Variants in AHCYL2 observed in about 807,000 individuals in gnomAD.
The protein encoded by AHCYL2 is S-adenosylhomocysteine hydrolase-like protein 2.
In AHCYL2, 28 loss-of-function variants were observed where a neutral mutation model predicts 81.4. That is an observed-to-expected ratio of 0.34 (90% CI 0.25 to 0.47). The LOEUF (loss-of-function observed/expected upper bound fraction) is 0.47. Ranked by LOEUF, AHCYL2 falls within the 20% of genes least tolerant of loss-of-function variation. The pLI is 1.00. For synonymous variants in AHCYL2, 272 were observed against 290.2 expected (o/e 0.94, Z 0.64); for missense variants, 551 against 785.1 (o/e 0.70, Z 3.56).
At chr7:129,343,168 G>T (rs1300521250) in intron 1 of AHCYL2, among the ~76,000 whole-genome samples, 1 of 152,054 alleles carries the variant, frequency 6.6e-6, no homozygotes, top group East Asian at 1.9e-4. Flanking sequence ...TGAGGAGAAG[G>T]CATGGAAATA....
rs578199598 is a variant in AHCYL2 at position 129,367,549 on chromosome 7, A to G, written c.364-12089A>G. Among the ~76,000 whole-genome samples, 10 of 152,334 alleles carry G rather than the reference A, an allele frequency of 6.6e-5. 1 individual carries two copies. The East Asian group carries it at 1.5e-3, about 24-fold the overall frequency. ...TAGTGTACAGGGCTACTGCACTGGC[A>G]TCCTGTTTCTTCCTGAAACCAGATC... On this transcript the variant is annotated intron_variant, in intron 1 of 16. Coordinates refer to ENST00000325006, the MANE Select transcript of AHCYL2 (RefSeq NM_015328.4).
intron 1 of AHCYL2, among the ~76,000 whole-genome samples, chr7:129,278,509 AT>A (rs1263741033): frequency 6.6e-6 from 1 of 151,772 alleles, no homozygotes. Flanking sequence ...TCTGTGGCTT[AT>A]TTTTTTTATT....
At chr7:129,259,852 A>T (rs2150714146) in intron 1 of AHCYL2, among the ~76,000 whole-genome samples, 1 of 152,272 alleles carries the variant, frequency 6.6e-6, no homozygotes, top group Middle Eastern at 3.4e-3. Context: ...TGAAGCAGGC[A>T]GATCATCTGA....
At chr7:129,404,676 A>G (rs1796215880) in intron 7 of AHCYL2, among the ~76,000 whole-genome samples, 1 of 152,182 alleles carries the variant, frequency 6.6e-6, no homozygotes, top group African/African-American at 2.4e-5. Context: ...ACTCCATCTC[A>G]AAACAAACAA....
intron 1 of AHCYL2, among the ~76,000 whole-genome samples, chr7:129,260,515 C>G (rs919394293): frequency 3.3e-5 from 5 of 152,126 alleles, no homozygotes; most frequent in Admixed American, 1.3e-4. Context: ...TGTAGTCGGC[C>G]AGGCCATTAC....
rs367797409 is a variant in AHCYL2 at position 129,225,055 on chromosome 7, G to C, written c.-22G>C. On this transcript the variant is annotated 5_prime_UTR_variant, in exon 1 of 17. Transcript: ENST00000325006. ...AAGAGCAGGAGCTGGAGTCTGAGCC[G>C]GTGGTTGCAGCGGAGGCGGTGATGT... The C allele has an allele frequency of 6.3e-7, 1 of 1,574,984 alleles. No homozygotes were observed. The highest frequency in any genetic ancestry group is 8.6e-7 in the Non-Finnish European group (1 of 1,162,206).
At chr7:129,258,278 A>G (rs991031361) in intron 1 of AHCYL2, among the ~76,000 whole-genome samples, 12 of 145,840 alleles carry the variant, frequency 8.2e-5, no homozygotes, top group African/African-American at 3.0e-4. Context: ...AGAATCCCCC[A>G]TCCTTCACTT....
intron 1 of AHCYL2, among the ~76,000 whole-genome samples, chr7:129,316,572 T>C (rs1797830400): frequency 6.6e-6 from 1 of 152,212 alleles, no homozygotes; most frequent in Non-Finnish European, 1.5e-5. Flanking sequence ...TATTTTGGTC[T>C]TGTGAATAAA....
intron 1 of AHCYL2, among the ~76,000 whole-genome samples, chr7:129,242,105 T>G (rs935992006): frequency 6.6e-6 from 1 of 152,200 alleles, no homozygotes; most frequent in Non-Finnish European, 1.5e-5. Context: ...TCTGCAGCCC[T>G]CTTTTTTACT....
At chr7:129,425,206 T>C in intron 15 of AHCYL2, 65 bp downstream of exon 15, 1 of 1,447,628 alleles carries the variant, frequency 6.9e-7, no homozygotes, top group South Asian at 1.2e-5. Context: ...TTAAAGGAAG[T>C]TTGGGGGCAT....
intron 11 of AHCYL2, chr7:129,409,981 T>C: frequency 1.6e-6 from 1 of 621,510 alleles, no homozygotes; most frequent in Admixed American, 3.1e-5. Context: ...ATCAGTAATC[T>C]CATGCAGAAG....
chr7:129,283,258 C>T (rs1796513205), intron 1 of AHCYL2: 2 of 420,824 alleles, frequency 4.8e-6, no homozygotes, highest in South Asian at 3.5e-5. Context: ...CATTAAACTG[C>T]ACCTTGGAAA....
rs369337272 is a variant in AHCYL2 at position 129,342,474 on chromosome 7, A to G, written c.364-37164A>G. 3.3e-5 allele frequency among the ~76,000 whole-genome samples: 5 copies of G among 152,212 alleles called. No individual in the cohort carries two copies. The East Asian group carries it at 7.7e-4, about 23-fold the overall frequency. On this transcript the variant is annotated intron_variant, in intron 1 of 16. Coordinates refer to ENST00000325006, the MANE Select transcript of AHCYL2 (RefSeq NM_015328.4). ...ATAAAGAAGCAAAAGGTAGGTGAAT[A>G]TACCAAGAACTTCCAATTAAAAGAT...
intron 1 of AHCYL2, among the ~76,000 whole-genome samples, chr7:129,376,911 G>A (rs1794714346): frequency 6.6e-6 from 1 of 152,236 alleles, no homozygotes; most frequent in African/African-American, 2.4e-5. Context: ...CATCCTGACT[G>A]CTGTCCACCT....
chr7:129,344,574 G>T (rs193217374), intron 1 of AHCYL2, among the ~76,000 whole-genome samples: 7 of 152,048 alleles, frequency 4.6e-5, no homozygotes, highest in Non-Finnish European at 4.4e-5. Flanking sequence ...TGGTTGCCTC[G>T]GGTTGTGATA....
chr7:129,299,518 C>G (rs1181346969), intron 1 of AHCYL2, among the ~76,000 whole-genome samples: 1 of 151,126 alleles, frequency 6.6e-6, no homozygotes. Context: ...CTCAGCCTCC[C>G]GAGTAGGTGG....
At chr7:129,242,072 T>TTACATAATACATAA (rs1794878890) in intron 1 of AHCYL2, among the ~76,000 whole-genome samples, 1 of 152,200 alleles carries the variant, frequency 6.6e-6, no homozygotes, top group African/African-American at 2.4e-5. Context: ...TTTATAAACT[T>TTACATAATACATAA]TACATAAATG....
At chr7:129,409,438 G>C in intron 10 of AHCYL2, 38 bp from the exon 11 acceptor site, 2 of 1,568,716 alleles carry the variant, frequency 1.3e-6, no homozygotes, top group Non-Finnish European at 1.7e-6. Context: ...CTCCCCAGCT[G>C]CCTGTTTAGG....
intron 1 of AHCYL2, among the ~76,000 whole-genome samples, chr7:129,278,307 T>C (rs557313625): frequency 6.6e-6 from 1 of 152,034 alleles, no homozygotes; most frequent in Non-Finnish European, 1.5e-5. Flanking sequence ...AACTCCTGGG[T>C]TCAAGTGATC....
Sources: gnomAD v4.1 joint callset for allele counts (sites outside exome capture counted in the v4.1 genomes callset) on GRCh38, gnomAD v4.1.1 for gene constraint, MANE v1.5 for transcripts, NCBI Gene and HGNC (gene_info 2026-07-23, HGNC 2026-07-21) for gene names.